The following PIEZO2 variants were observed in gnomAD, a reference collection of about 807,000 sequenced individuals.
The protein encoded by PIEZO2 is piezo-type mechanosensitive ion channel component 2.
In PIEZO2, 172 loss-of-function variants were observed where a neutral mutation model predicts 337.3. The observed-to-expected ratio is 0.51, with a 90% CI of 0.45 to 0.58. The LOEUF (loss-of-function observed/expected upper bound fraction) is 0.58, where lower values mean the gene tolerates loss of function less well. Among genes scored for constraint, PIEZO2 ranks in the 20% least tolerant of loss-of-function variants. PIEZO2 has a pLI of 0.00. For synonymous variants in PIEZO2, 1,251 were observed against 1,228.5 expected, an observed-to-expected ratio of 1.02 and a Z score of -0.38; for missense variants, 3,028 against 3,391.3, an observed-to-expected ratio of 0.89 and a Z score of 2.66.
Position 10,759,342 on chromosome 18 carries a change from G to A in PIEZO2, c.3757+140C>T. 1 of 708,364 alleles carries A rather than the reference G, an allele frequency of 1.4e-6. No individual in the cohort carries two copies. The highest frequency in any genetic ancestry group is 1.9e-5 in the South Asian group (1 of 53,772). 43.9% of individuals were successfully genotyped at this position (708,364 alleles called of 1,614,324 possible). A position where few individuals can be genotyped will look rare whatever the true frequency, so the allele number is the denominator to read the frequency against. On this transcript the variant is annotated intron_variant, in intron 26 of 55. Coordinates refer to ENST00000674853, the MANE Select transcript of PIEZO2 (RefSeq NM_001378183.1). This position sits in a 1 kb window ranked among gnomAD's most constrained non-coding sequence, Gnocchi z 5.5. ...TGAGTAGAAGCCATTAATGACTTGT[G>A]ATATTAATGCATAAGACAAGCCTTT...
In PIEZO2 at chr18:10,702,937, C is replaced by A. The variant is rs543937226; in HGVS notation, c.6259-766G>T. ...GTGGCACAATCACAGCTCACTGCAACCTCAAACTCCTGGGTGCAATCCTCC... is the reference window on the plus strand; with the variant it reads ...GTGGCACAATCACAGCTCACTGCAAACTCAAACTCCTGGGTGCAATCCTCC... On this transcript the variant is annotated intron_variant, in intron 42 of 55. Transcript: ENST00000674853. Among the ~76,000 whole-genome samples the A allele has an allele frequency of 3.9e-5, 6 of 152,308 alleles. No homozygotes were observed. The South Asian group carries it at 1.0e-3, about 26-fold the overall frequency.
At position 10,973,366 on chromosome 18, in the gene PIEZO2, T is replaced by G. The variant is rs2034317584; in HGVS notation, c.286+6169A>C. Among the ~76,000 whole-genome samples the G allele has an allele frequency of 6.6e-6, 1 of 152,262 alleles. No individual in the cohort carries two copies. The highest frequency in any genetic ancestry group is 2.4e-5 in the African/African-American group (1 of 41,480). ...AGCAATGCTTCCATCCAGAATCTAC[T>G]GATCATAAATGTGTCTTTGCTCACT... On this transcript the variant is annotated intron_variant, in intron 3 of 55. Coordinates refer to ENST00000674853, the MANE Select transcript of PIEZO2 (RefSeq NM_001378183.1). This position sits in a 1 kb window ranked among gnomAD's most constrained non-coding sequence, Gnocchi z 4.9.
Position 10,846,869 on chromosome 18 carries a change from A to T in PIEZO2, c.917+8484T>A, listed in dbSNP as rs532265469. 1.3e-5 allele frequency among the ~76,000 whole-genome samples: 2 copies of T among 152,290 alleles called. No homozygotes were observed. Among genetic ancestry groups the T allele is most frequent in the Admixed American group, 6.5e-5 (1 of 15,298 alleles). On this transcript the variant is annotated intron_variant, in intron 7 of 55. Coordinates refer to ENST00000674853, the MANE Select transcript of PIEZO2 (RefSeq NM_001378183.1). This position sits in a 1 kb window ranked among gnomAD's most constrained non-coding sequence, Gnocchi z 4.1. ...TGTGCACAGGGGAACTGCAGGCATG[A>T]TGGGAGATAAGGCTAGAACTGTTGG...
At chr18:10,936,712 A>C (rs1172942227) in intron 3 of PIEZO2, among the ~76,000 whole-genome samples, 1 of 152,240 alleles carries the variant, frequency 6.6e-6, no homozygotes, top group Non-Finnish European at 1.5e-5. Flanking sequence ...CAGGCAATCA[A>C]AAACATAGCC....
intron 3 of PIEZO2, among the ~76,000 whole-genome samples, chr18:10,914,692 C>T (rs2030789804): frequency 6.6e-6 from 1 of 152,068 alleles, no homozygotes. Flanking sequence ...GGGATTTTTT[C>T]CTTTCAAATC....
chr18:10,734,890 C>T (rs2036936252), intron 35 of PIEZO2, among the ~76,000 whole-genome samples: 2 of 152,118 alleles, frequency 1.3e-5, no homozygotes, highest in African/African-American at 4.8e-5. Flanking sequence ...CCTTTTTACT[C>T]ATCAGAACTG....
At chr18:11,024,762 C>T (rs1039942708) in intron 2 of PIEZO2, among the ~76,000 whole-genome samples, 4 of 151,606 alleles carry the variant, frequency 2.6e-5, no homozygotes, top group Non-Finnish European at 4.4e-5. Context: ...TCTCAGCCTC[C>T]TGAGTAGCTG....
intron 30 of PIEZO2, among the ~76,000 whole-genome samples, chr18:10,744,747 T>C (rs1311753676): frequency 6.6e-6 from 1 of 152,176 alleles, no homozygotes; most frequent in Non-Finnish European, 1.5e-5. Flanking sequence ...TTCCTGTCCT[T>C]CCACTCCCTT....
intron 40 of PIEZO2, among the ~76,000 whole-genome samples, chr18:10,706,050 G>C (rs568351287): frequency 7.2e-4 from 110 of 152,164 alleles, no homozygotes; most frequent in African/African-American, 2.6e-3. Flanking sequence ...TCACAGCCTC[G>C]GGTTCCAGAG....
rs541301617 is a variant in PIEZO2, at chr18:11,021,139, T to C, written c.161-41479A>G. The stretch of plus-strand genomic sequence containing the variant: ...GGCCTGGACTATGATTCTCTTCCGT[T>C]ACATCATGAAAGAAACTCTAGTCAT... On this transcript the variant is annotated intron_variant, in intron 2 of 55. Coordinates refer to ENST00000674853, the MANE Select transcript of PIEZO2 (RefSeq NM_001378183.1). This position sits in a 1 kb window ranked among gnomAD's most constrained non-coding sequence, Gnocchi z 4.7. 5.9e-5 allele frequency among the ~76,000 whole-genome samples: 9 copies of C among 152,288 alleles called. No individual in the cohort carries two copies. The South Asian group carries it at 1.7e-3, about 28-fold the overall frequency.
chr18:10,949,941 C>T (rs894176484), intron 3 of PIEZO2, among the ~76,000 whole-genome samples: 1 of 152,172 alleles, frequency 6.6e-6, no homozygotes, highest in Admixed American at 6.5e-5. Flanking sequence ...GACAGCAATA[C>T]ATTTCAAATA....
chr18:10,852,526 C>A lies in PIEZO2; in HGVS notation c.917+2827G>T, dbSNP rs191712689. 5.3e-5 allele frequency among the ~76,000 whole-genome samples: 8 copies of A among 152,322 alleles called. No individual in the cohort carries two copies. The East Asian group carries it at 1.5e-3, about 29-fold the overall frequency. On this transcript the variant is annotated intron_variant, in intron 7 of 55. Transcript: ENST00000674853. ...CAGTCAGCCACAACTAGTTTTACCA[C>A]GGCCAAATTTTACACATAAATCAAT...
At chr18:11,117,839 G>A (rs1244937998) in intron 1 of PIEZO2, among the ~76,000 whole-genome samples, 2 of 152,150 alleles carry the variant, frequency 1.3e-5, no homozygotes, top group Non-Finnish European at 2.9e-5. Context: ...AGTGCCTTCT[G>A]CTTCCAACAG....
Position 10,903,058 on chromosome 18 carries a change from G to C in PIEZO2, c.329+8128C>G, listed in dbSNP as rs910982533. On this transcript the variant is annotated intron_variant, in intron 4 of 55. Transcript: ENST00000674853. The surrounding 1 kb of genome is among the most constrained non-coding windows in gnomAD (Gnocchi z 4.1). ...CTGCCCCGGGGAGACAGCAGCTATG[G>C]GGAGGCACCAACCCATGGGCTGTAC... Among the ~76,000 whole-genome samples, 4 of 152,044 alleles carry C rather than the reference G, an allele frequency of 2.6e-5. No homozygotes were observed. The highest frequency in any genetic ancestry group is 5.9e-5 in the Non-Finnish European group (4 of 68,010).
Position 10,773,966 on chromosome 18 carries a change from A to C in PIEZO2, c.2567+40T>G, listed in dbSNP as rs1343107513. 1.4e-6 allele frequency: 1 copy of C among 702,908 alleles called. No homozygotes were observed. Among genetic ancestry groups the C allele is most frequent in the Non-Finnish European group, 2.6e-6 (1 of 384,956 alleles). 43.5% of individuals were successfully genotyped at this position (702,908 alleles called of 1,614,324 possible). ...GGGTGTAGAAGCATGAAATGGCATC[A>C]TGTAGAGCAAGCATTTCATGGCTTC... On this transcript the variant is annotated intron_variant, in intron 19 of 55. Transcript: ENST00000674853. This position sits in a 1 kb window ranked among gnomAD's most constrained non-coding sequence, Gnocchi z 5.3.
In PIEZO2 at chr18:10,865,642, G is replaced by A. The variant is rs139100292; in HGVS notation, c.492+5611C>T. 5.6e-3 allele frequency among the ~76,000 whole-genome samples: 850 copies of A among 152,170 alleles called. 9 individuals carry two copies. The highest frequency in any genetic ancestry group is 0.02 in the African/African-American group (813 of 41,498). ...GGTAGGGGAAGGAGCTGTGTCTCCC[G>A]CTCCCAAACATATGACCAATATTTT... On this transcript the variant is annotated intron_variant, in intron 5 of 55. Coordinates refer to ENST00000674853, the MANE Select transcript of PIEZO2 (RefSeq NM_001378183.1).
rs2038806920 is a variant in PIEZO2 at position 11,083,113 on chromosome 18, T to C, written c.65-16891A>G. ...TTCTGGGTGGCCCATGGGAATCCCA[T>C]GCTAAGCATCCATCACCGTTCTCTA... On this transcript the variant is annotated intron_variant, in intron 1 of 55. Transcript: ENST00000674853. This position sits in a 1 kb window ranked among gnomAD's most constrained non-coding sequence, Gnocchi z 4.4. Among the ~76,000 whole-genome samples the C allele has an allele frequency of 1.3e-5, 2 of 152,318 alleles. No homozygotes were observed. The highest frequency in any genetic ancestry group is 4.8e-5 in the African/African-American group (2 of 41,568).
chr18:11,109,301 T>C lies in PIEZO2; in HGVS notation c.64+39224A>G, dbSNP rs2039662251. Among the ~76,000 whole-genome samples, 1 of 152,214 alleles carries C rather than the reference T, an allele frequency of 6.6e-6. No homozygotes were observed. Among genetic ancestry groups the C allele is most frequent in the Admixed American group, 6.5e-5 (1 of 15,280 alleles). The stretch of plus-strand genomic sequence containing the variant: ...AAGGTATTGCTGAATTAAATCACCT[T>C]AGCAAATCTCTGTGCTATGAAAATC... On this transcript the variant is annotated intron_variant, in intron 1 of 55. Coordinates refer to ENST00000674853, the MANE Select transcript of PIEZO2 (RefSeq NM_001378183.1). The surrounding 1 kb of genome is among the most constrained non-coding windows in gnomAD (Gnocchi z 5.1).
At chr18:11,013,247 A>G (rs1403545171) in intron 2 of PIEZO2, among the ~76,000 whole-genome samples, 1 of 152,184 alleles carries the variant, frequency 6.6e-6, no homozygotes, top group African/African-American at 2.4e-5. Flanking sequence ...TACATGAGAA[A>G]GAAGGAGGCA....
Sources: allele counts gnomAD v4.1 joint callset (sites outside exome capture counted in the v4.1 genomes callset), GRCh38; gene constraint gnomAD v4.1.1; non-coding constraint Gnocchi (gnomAD v3.1); transcripts MANE v1.5; gene names NCBI Gene and HGNC (gene_info 2026-07-23, HGNC 2026-07-21).